The following CDH13 variants were observed in gnomAD, a reference collection of about 807,000 sequenced individuals.
The protein encoded by CDH13 is cadherin-13.
CDH13 carries 24 observed loss-of-function variants against 63.8 expected under a neutral mutation model. The observed-to-expected ratio is 0.38, with a 90% CI of 0.27 to 0.53. The LOEUF (loss-of-function observed/expected upper bound fraction) is 0.53. Among genes scored for constraint, CDH13 ranks in the 20% least tolerant of loss-of-function variants. CDH13 has a pLI of 0.85. For missense variants in CDH13, 1,049 were observed against 903.1 expected (o/e 1.16, Z -2.07); for synonymous variants, 503 against 355.3 (o/e 1.42, Z -4.67).
At chr16:83,007,527 C>T (rs1480518449) in intron 2 of CDH13, among the ~76,000 whole-genome samples, 1 of 152,020 alleles carries the variant, frequency 6.6e-6, no homozygotes, top group African/African-American at 2.4e-5. Context: ...TAAAAAATAC[C>T]TCGTAAGAAA....
chr16:83,298,347 A>G (rs1345185779), intron 5 of CDH13, among the ~76,000 whole-genome samples: 3 of 152,172 alleles, frequency 2.0e-5, no homozygotes, highest in African/African-American at 4.8e-5. Flanking sequence ...TTTTTCTTAG[A>G]ATGAAACCAA....
rs531144236 is a variant in CDH13, at chr16:83,618,731, C to T, written c.1101+16137C>T. 4.2e-5 allele frequency among the ~76,000 whole-genome samples: 6 copies of T among 142,092 alleles called. No homozygotes were observed. In the East Asian group the frequency reaches 6.6e-4, roughly 16 times the overall value. 93.2% of individuals were successfully genotyped at this position (142,092 alleles called of 152,430 possible). On this transcript the variant is annotated intron_variant, in intron 8 of 13. Transcript: ENST00000567109. ...GAGATCCCTGAATCTACTTCCCTAT[C>T]GGTCAAGTAAAAAGAAAAAAAATCA...
At chr16:82,813,250 A>T (rs2037534844) in intron 1 of CDH13, among the ~76,000 whole-genome samples, 1 of 151,864 alleles carries the variant, frequency 6.6e-6, no homozygotes. Context: ...AATAAAAAAA[A>T]TAAGGGTGTC....
intron 2 of CDH13, among the ~76,000 whole-genome samples, chr16:83,014,743 AATATATAT>A (rs71146101): frequency 3.3e-4 from 11 of 33,224 alleles, no homozygotes; most frequent in Non-Finnish European, 5.9e-4. Context: ...AAAAAAAAAA[AATATATAT>A]ATATATATAT....
At chr16:83,442,619 A>G (rs1454874599) in intron 6 of CDH13, among the ~76,000 whole-genome samples, 1 of 152,182 alleles carries the variant, frequency 6.6e-6, no homozygotes, top group Non-Finnish European at 1.5e-5. Flanking sequence ...CAAGAAGCTT[A>G]TATTTTTCTG....
chr16:83,776,273 C>A (rs142935728), intron 11 of CDH13, among the ~76,000 whole-genome samples: 3 of 152,082 alleles, frequency 2.0e-5, no homozygotes, highest in Non-Finnish European at 4.4e-5. Flanking sequence ...ATAATATATT[C>A]AGAGTGAAAA....
chr16:82,753,861 C>T (rs2034514481), intron 1 of CDH13, among the ~76,000 whole-genome samples: 1 of 152,192 alleles, frequency 6.6e-6, no homozygotes, highest in South Asian at 2.1e-4. Context: ...ACCCCATCTC[C>T]CATCACCAAG....
chr16:82,886,379 C>G (rs1397477190), intron 2 of CDH13, among the ~76,000 whole-genome samples: 1 of 152,296 alleles, frequency 6.6e-6, no homozygotes, highest in African/African-American at 2.4e-5. Flanking sequence ...GTTTTCTGCA[C>G]TATTGCCAGT....
In CDH13 at chr16:83,031,694, A is replaced by G. The variant is rs57720411; in HGVS notation, c.158-316A>G. ...TGCTCAGTCACCCACACATGCCAGG[A>G]TTAGATCACTTCCCTCAAATGTCAC... On this transcript the variant is annotated intron_variant, in intron 2 of 13. Transcript: ENST00000567109. Among the ~76,000 whole-genome samples, 451 of 152,204 alleles carry G rather than the reference A, an allele frequency of 3.0e-3. 2 individuals carry two copies. Among genetic ancestry groups the G allele is most frequent in the African/African-American group, 0.01 (435 of 41,530 alleles).
Position 82,627,109 on chromosome 16 carries a change from C to T in CDH13, c.17C>T (p.Pro6Leu), listed in dbSNP as rs773985332. MQPRT[P>L]LVLCVLLSQV... ...TCGGACAAAATGCAGCCGAGAACTC[C>T]GCTCGTTCTGTGCGTTCTCCTGTCC... The change falls in exon 1 of 14, where the codon CCG becomes CTG. Residue 6 changes from proline to leucine, a missense_variant. Transcript: ENST00000567109. 28 of 1,605,904 alleles carry T rather than the reference C, an allele frequency of 1.7e-5. No homozygotes were observed. In the African/African-American group the frequency reaches 2.3e-4, roughly 13 times the overall value.
intron 11 of CDH13, among the ~76,000 whole-genome samples, chr16:83,755,850 A>G (rs1913467817): frequency 6.6e-6 from 1 of 152,234 alleles, no homozygotes; most frequent in Admixed American, 6.5e-5. Flanking sequence ...AGGCATAGAA[A>G]CACAAGAAAC....
intron 1 of CDH13, among the ~76,000 whole-genome samples, chr16:82,714,998 C>A (rs1198517280): frequency 7.3e-6 from 1 of 136,988 alleles, no homozygotes; most frequent in Non-Finnish European, 1.6e-5. Flanking sequence ...GTTCCAGCAT[C>A]CGTAGGAAAC....
intron 1 of CDH13, among the ~76,000 whole-genome samples, 200 bp downstream of exon 1, chr16:82,627,337 C>CGTGCGTGCGTGTGT (rs1555525839): frequency 9.1e-5 from 12 of 131,254 alleles, no homozygotes; most frequent in Admixed American, 3.0e-4. Flanking sequence ...CTCTGGCGTG[C>CGTGCGTGCGTGTGT]GTGTGTGTGT....
At chr16:83,547,539 G>A (rs142353032) in intron 7 of CDH13, among the ~76,000 whole-genome samples, 5 of 152,238 alleles carry the variant, frequency 3.3e-5, no homozygotes, top group African/African-American at 4.8e-5. Context: ...ACTTATAAGC[G>A]AGTACATGCA....
At chr16:83,538,757 A>C (rs992496744) in intron 7 of CDH13, among the ~76,000 whole-genome samples, 9 of 152,250 alleles carry the variant, frequency 5.9e-5, no homozygotes, top group South Asian at 2.1e-4. Flanking sequence ...GTTAGAATGC[A>C]TAATCTGTTT....
chr16:82,637,058 G>T (rs188768536), intron 1 of CDH13, among the ~76,000 whole-genome samples: 1 of 152,194 alleles, frequency 6.6e-6, no homozygotes, highest in Admixed American at 6.5e-5. Context: ...ATGCAGGGAA[G>T]TCCAATTTGC....
rs181815608 is a variant in CDH13, at chr16:82,996,382, A to G, written c.158-35628A>G. 1.9e-3 allele frequency among the ~76,000 whole-genome samples: 291 copies of G among 152,328 alleles called. 2 individuals are homozygous for G. Among genetic ancestry groups the G allele is most frequent in the Middle Eastern group, 0.017 (5 of 294 alleles). Reference sequence around the variant, plus strand: ...CTACAGAAATGTCAGCTCTGAGCACAGTGCATACTTCTTTGTGTGAAGATC... The same window carrying G: ...CTACAGAAATGTCAGCTCTGAGCACGGTGCATACTTCTTTGTGTGAAGATC... On this transcript the variant is annotated intron_variant, in intron 2 of 13. Transcript: ENST00000567109.
chr16:83,714,254 G>A (rs1392500835), intron 10 of CDH13, among the ~76,000 whole-genome samples: 3 of 152,172 alleles, frequency 2.0e-5, no homozygotes, highest in Non-Finnish European at 4.4e-5. Context: ...CGTTGCTTTA[G>A]TGTCTTGCCC....
rs1045574379 is a variant in CDH13, at chr16:83,501,925, A to C, written c.960+15270A>C. Among the ~76,000 whole-genome samples, 12 of 152,242 alleles carry C rather than the reference A, an allele frequency of 7.9e-5. No homozygotes were observed. In the East Asian group the frequency reaches 2.3e-3, roughly 29 times the overall value. ...CCTCAGCTCTTCCATTAGAAAGCCC[A>C]TGTGGTACAGTGGCTCAGAGCTTGG... On this transcript the variant is annotated intron_variant, in intron 7 of 13. Transcript: ENST00000567109.
Sources: gnomAD v4.1 joint callset for allele counts (sites outside exome capture counted in the v4.1 genomes callset) on GRCh38, gnomAD v4.1.1 for gene constraint, MANE v1.5 for transcripts, NCBI Gene and HGNC (gene_info 2026-07-23, HGNC 2026-07-21) for gene names.